Variants in SLCO1A2 observed in about 807,000 individuals in gnomAD.
SLCO1A2 encodes OATP-1.
SLCO1A2 carries 67 observed loss-of-function variants against 69.0 expected under a neutral mutation model. The ratio of observed to expected loss-of-function variants is 0.97; its 90% CI spans 0.80 to 1.19. The LOEUF (loss-of-function observed/expected upper bound fraction) is 1.19, where lower values mean the gene tolerates loss of function less well. Among genes scored for constraint, SLCO1A2 ranks in the 50% most tolerant of loss-of-function variants. SLCO1A2 has a pLI of 0.00. For synonymous variants in SLCO1A2, 260 were observed against 265.9 expected (o/e 0.98, Z 0.22); for missense variants, 787 against 793.7 (o/e 0.99, Z 0.10).
chr12:21,272,724 A>ACTAT (rs750544557), intron 14 of SLCO1A2, among the ~76,000 whole-genome samples: 3 of 152,190 alleles, frequency 2.0e-5, no homozygotes, highest in South Asian at 4.1e-4. Context: ...TATAAAAATT[A>ACTAT]CTATCTTTTA....
intron 8 of SLCO1A2, among the ~76,000 whole-genome samples, chr12:21,298,926 G>C (rs939588919): frequency 6.6e-6 from 1 of 152,116 alleles, no homozygotes; most frequent in Admixed American, 6.6e-5. Flanking sequence ...ATTTACAATT[G>C]TTAAGAAAAA....
At chr12:21,322,009 A>G (rs1231543330) in intron 2 of SLCO1A2, among the ~76,000 whole-genome samples, 1 of 152,222 alleles carries the variant, frequency 6.6e-6, no homozygotes, top group Non-Finnish European at 1.5e-5. Context: ...GACAAATAGC[A>G]GGCACCCAAT....
chr12:21,394,596 A>G (rs1941337556), intron 1 of SLCO1A2, among the ~76,000 whole-genome samples: 1 of 152,036 alleles, frequency 6.6e-6, no homozygotes, highest in Non-Finnish European at 1.5e-5. Context: ...AAAACAAAAA[A>G]AAAAGAAAAA....
At chr12:21,328,680 A>G (rs902071106) in intron 2 of SLCO1A2, among the ~76,000 whole-genome samples, 3 of 152,114 alleles carry the variant, frequency 2.0e-5, no homozygotes, top group Non-Finnish European at 4.4e-5. Context: ...TCTGTGCTGA[A>G]CTACCATTGG....
At chr12:21,375,581 C>A (rs141200701) in intron 1 of SLCO1A2, among the ~76,000 whole-genome samples, 41 of 152,260 alleles carry the variant, frequency 2.7e-4, no homozygotes, top group Middle Eastern at 3.4e-3. Flanking sequence ...TTGTAAATAT[C>A]TGCCTGGCAG....
intron 1 of SLCO1A2, among the ~76,000 whole-genome samples, chr12:21,384,080 C>G (rs960173319): frequency 6.6e-6 from 1 of 151,988 alleles, no homozygotes; most frequent in African/African-American, 2.4e-5. Flanking sequence ...TGCAAAGTAT[C>G]TGGTATATTT....
At chr12:21,305,542 G>C (rs1411314869) in intron 5 of SLCO1A2, among the ~76,000 whole-genome samples, 1 of 152,196 alleles carries the variant, frequency 6.6e-6, no homozygotes, top group Non-Finnish European at 1.5e-5. Context: ...AGTGATTTGT[G>C]TCTAGAGATC....
intron 2 of SLCO1A2, among the ~76,000 whole-genome samples, chr12:21,354,763 T>C (rs1379779532): frequency 1.3e-5 from 2 of 152,188 alleles, no homozygotes; most frequent in Non-Finnish European, 2.9e-5. Context: ...CAACCTTTCT[T>C]TCTTTGAATT....
intron 2 of SLCO1A2, among the ~76,000 whole-genome samples, chr12:21,358,139 G>A (rs12301085): frequency 0.14 from 21,355 of 152,074 alleles, 1,621 homozygotes; most frequent in Middle Eastern, 0.21. Context: ...ACTTAAAAAT[G>A]TCTGTGCTAC....
chr12:21,278,497 G>C (rs930201073), intron 12 of SLCO1A2, among the ~76,000 whole-genome samples: 1 of 152,092 alleles, frequency 6.6e-6, no homozygotes, highest in Admixed American at 6.5e-5. Context: ...TGGCCACAGG[G>C]GTGCATCACC....
intron 2 of SLCO1A2, among the ~76,000 whole-genome samples, chr12:21,320,574 C>T (rs539142256): frequency 1.3e-5 from 2 of 152,272 alleles, no homozygotes; most frequent in South Asian, 4.1e-4. Flanking sequence ...TCTTGGCTCA[C>T]TGCAACCTCC....
At chr12:21,344,748 C>A (rs773805720) in intron 2 of SLCO1A2, among the ~76,000 whole-genome samples, 5 of 151,936 alleles carry the variant, frequency 3.3e-5, no homozygotes, top group Non-Finnish European at 7.4e-5. Context: ...GTTAACAATG[C>A]ATTTGATTCA....
At chr12:21,310,421 C>T (rs549275526) in intron 4 of SLCO1A2, among the ~76,000 whole-genome samples, 1 of 152,378 alleles carries the variant, frequency 6.6e-6, no homozygotes, top group African/African-American at 2.4e-5. Context: ...AGCGAGTCAT[C>T]ATCTTCTGCT....
intron 1 of SLCO1A2, among the ~76,000 whole-genome samples, chr12:21,387,950 A>AT (rs1473933528): frequency 1.3e-5 from 2 of 152,234 alleles, no homozygotes; most frequent in African/African-American, 4.8e-5. Flanking sequence ...CACGACCTGT[A>AT]TGTGAGACAT....
intron 1 of SLCO1A2, among the ~76,000 whole-genome samples, chr12:21,375,426 C>A (rs918451392): frequency 6.6e-6 from 1 of 152,120 alleles, no homozygotes; most frequent in African/African-American, 2.4e-5. Context: ...AAATTTTAAA[C>A]TCTTTTTAAA....
chr12:21,375,937 C>T (rs1372199857), intron 1 of SLCO1A2, among the ~76,000 whole-genome samples: 1 of 152,044 alleles, frequency 6.6e-6, no homozygotes, highest in Non-Finnish European at 1.5e-5. Flanking sequence ...GGAGGTAATG[C>T]CTTTTATTAA....
At position 21,268,257 on chromosome 12, in the gene SLCO1A2, CTG is replaced by C. The variant is rs1942275932; in HGVS notation, c.*1289_*1290del. ...ATTCCAGGCTCCTTCTAGGTATATT[CTG>C]TATTTCAGCTTCCTCCACTCTGTTG... On this transcript the variant is annotated 3_prime_UTR_variant, in exon 15 of 15. Transcript: ENST00000683939. The C allele has an allele frequency of 6.6e-6, 1 of 152,062 alleles. No homozygotes were observed. Among genetic ancestry groups the C allele is most frequent in the Non-Finnish European group, 1.5e-5 (1 of 68,016 alleles). 9.4% of individuals were successfully genotyped at this position (152,062 alleles called of 1,614,324 possible). A position where few individuals can be genotyped will look rare whatever the true frequency, so the allele number is the denominator to read the frequency against.
At chr12:21,395,145 G>C (rs1432330700) in exon 1 of SLCO1A2, 4 of 155,220 alleles carry the variant, frequency 2.6e-5, no homozygotes, top group Non-Finnish European at 5.7e-5. Context: ...CCAGACAATG[G>C]GCGCAGGTCA....
At chr12:21,375,788 C>T (rs1000045618) in intron 1 of SLCO1A2, among the ~76,000 whole-genome samples, 2 of 152,144 alleles carry the variant, frequency 1.3e-5, no homozygotes, top group African/African-American at 4.8e-5. Context: ...GGCTTATTGT[C>T]ATCTCTGTTT....
Sources: gnomAD v4.1 joint callset for allele counts (sites outside exome capture counted in the v4.1 genomes callset) on GRCh38, gnomAD v4.1.1 for gene constraint, MANE v1.5 for transcripts, NCBI Gene and HGNC (gene_info 2026-07-23, HGNC 2026-07-21) for gene names.